The following RNF216 variants were observed in gnomAD, a reference collection of about 807,000 sequenced individuals.
The protein encoded by RNF216 is ring finger protein 216, also known as E3 ubiquitin-protein ligase RNF216.
A neutral mutation model predicts 110.8 loss-of-function variants in RNF216; 72 were observed. The observed-to-expected ratio is 0.65, with a 90% CI of 0.54 to 0.79. The LOEUF (loss-of-function observed/expected upper bound fraction) is 0.79. Among genes scored for constraint, RNF216 ranks in the 30% least tolerant of loss-of-function variants. The pLI, the probability that RNF216 is intolerant of heterozygous loss-of-function variation, is 0.00. For synonymous variants in RNF216, 495 were observed against 407.5 expected, an observed-to-expected ratio of 1.21 and a Z score of -2.59; for missense variants, 1,342 against 1,141.2, an observed-to-expected ratio of 1.18 and a Z score of -2.54.
At chr7:5,742,184 T>C (rs1794795517) in intron 3 of RNF216, among the ~76,000 whole-genome samples, 1 of 152,146 alleles carries the variant, frequency 6.6e-6, no homozygotes, top group Non-Finnish European at 1.5e-5. Context: ...GTAGCTGGGA[T>C]TACAAAAATG....
At chr7:5,652,191 G>A (rs1439070031) in intron 14 of RNF216, among the ~76,000 whole-genome samples, 3 of 152,150 alleles carry the variant, frequency 2.0e-5, no homozygotes, top group Non-Finnish European at 4.4e-5. Flanking sequence ...TGAATTCACA[G>A]GTGCCAGGCA....
Position 5,739,321 on chromosome 7 carries a change from A to C in RNF216, c.1076T>G (p.Phe359Cys). The part of the protein sequence containing the change: ...EARFPDVANG[F>C]IEEIIHFKNY... ...CTTAAAATGAATTATTTCCTCAATA[A>C]ACCCATTTGCTACATCTGGAAATCT... Residue 359 changes from phenylalanine (F) to cysteine (C), a missense_variant, in exon 5 of 17, where the codon TTT becomes TGT. Transcript: ENST00000389902. 6.2e-7 allele frequency: 1 copy of C among 1,600,364 alleles called. No individual in the cohort carries two copies. Among genetic ancestry groups the C allele is most frequent in the Admixed American group, 1.8e-5 (1 of 56,388 alleles).
Position 5,707,470 on chromosome 7 carries a change from C to T in RNF216, c.2061+4291G>A, listed in dbSNP as rs547685369. ...CAGGAACGCAACTGATTTTTATGTG[C>T]TAATTTTGTATCCTGCACCTTTACT... On this transcript the variant is annotated intron_variant, in intron 13 of 16. Coordinates refer to ENST00000389902, the MANE Select transcript of RNF216 (RefSeq NM_207111.4). Among the ~76,000 whole-genome samples the T allele has an allele frequency of 3.6e-4, 54 of 152,084 alleles. No homozygotes were observed. The South Asian group carries it at 0.011, about 30-fold the overall frequency.
intron 3 of RNF216, among the ~76,000 whole-genome samples, chr7:5,745,106 G>A (rs770522960): frequency 4.6e-5 from 7 of 152,016 alleles, no homozygotes; most frequent in South Asian, 2.1e-4. Context: ...TAAGATCTAC[G>A]GAGAAAACAC....
intron 5 of RNF216, among the ~76,000 whole-genome samples, chr7:5,732,741 G>A (rs28375369): frequency 0.025 from 3,843 of 152,264 alleles, 182 homozygotes; most frequent in African/African-American, 0.088. Context: ...TGCACCCTGG[G>A]GCAAAAGCAG....
intron 14 of RNF216, among the ~76,000 whole-genome samples, chr7:5,651,696 T>G (rs1788400412): frequency 1.3e-5 from 2 of 151,884 alleles, no homozygotes; most frequent in African/African-American, 4.8e-5. Context: ...GTTGGCAGGC[T>G]GGAGTGCACT....
intron 14 of RNF216, among the ~76,000 whole-genome samples, chr7:5,646,322 C>A (rs1378630447): frequency 6.7e-6 from 1 of 150,126 alleles, no homozygotes. Flanking sequence ...GAGCTGAGAT[C>A]GCATCATTGC....
At chr7:5,740,772 G>T (rs896108062) in intron 4 of RNF216, among the ~76,000 whole-genome samples, 1 of 152,090 alleles carries the variant, frequency 6.6e-6, no homozygotes. Flanking sequence ...AGAGCTTCCT[G>T]AAGGTTAAGT....
chr7:5,770,789 T>C (rs1416847828), intron 1 of RNF216, among the ~76,000 whole-genome samples: 2 of 151,722 alleles, frequency 1.3e-5, no homozygotes, highest in Non-Finnish European at 2.9e-5. Context: ...TGGAACAGAG[T>C]GCAGAACAGA....
At chr7:5,769,027 T>G (rs565191947) in intron 1 of RNF216, among the ~76,000 whole-genome samples, 2 of 151,842 alleles carry the variant, frequency 1.3e-5, no homozygotes, top group South Asian at 4.2e-4. Context: ...CTATTTTGAC[T>G]AAATAAACTG....
At position 5,622,895 on chromosome 7, in the gene RNF216, T is replaced by C. The variant is rs774371322; in HGVS notation, c.2737A>G (p.Met913Val). ...IHMPLEHNLP[M>V]HFGPQPRHRF ...TGCCGCGGCTGGGGGCCAAAGTGCATGGGCAGGTTGTGCTCCAGGGGCATG... is the reference window on the plus strand; with the variant it reads ...TGCCGCGGCTGGGGGCCAAAGTGCACGGGCAGGTTGTGCTCCAGGGGCATG... The change falls in exon 17 of 17, where the codon ATG (methionine) becomes GTG (valine). Residue 913 changes from methionine to valine, a missense_variant. Coordinates refer to ENST00000389902, the MANE Select transcript of RNF216 (RefSeq NM_207111.4). The C allele has an allele frequency of 6.2e-6, 10 of 1,610,544 alleles. No individual in the cohort carries two copies. The highest frequency in any genetic ancestry group is 8.5e-6 in the Non-Finnish European group (10 of 1,177,790).
intron 13 of RNF216, among the ~76,000 whole-genome samples, chr7:5,661,920 T>C (rs1210809834): frequency 6.6e-6 from 1 of 152,260 alleles, no homozygotes; most frequent in African/African-American, 2.4e-5. Context: ...CACTTGCTCT[T>C]ACTCTAGTCC....
chr7:5,689,488 GA>G (rs1286979429), intron 13 of RNF216, among the ~76,000 whole-genome samples: 2 of 151,624 alleles, frequency 1.3e-5, no homozygotes, highest in African/African-American at 4.8e-5. Context: ...CCACTTTCTG[GA>G]GGCCATTTTC....
At chr7:5,766,802 G>A (rs1796232000) in intron 1 of RNF216, 1 of 152,180 alleles carries the variant, frequency 6.6e-6, no homozygotes, top group South Asian at 2.1e-4. Context: ...ACAAATGTCT[G>A]TGGCACAACT....
chr7:5,659,054 GACTTC>G (rs1304657773), intron 13 of RNF216, among the ~76,000 whole-genome samples: 1 of 152,162 alleles, frequency 6.6e-6, no homozygotes, highest in Non-Finnish European at 1.5e-5. Flanking sequence ...AGCCTAGAAA[GACTTC>G]TAGGCTTCTG....
chr7:5,668,254 G>A (rs1242599265), intron 13 of RNF216, among the ~76,000 whole-genome samples: 11 of 142,672 alleles, frequency 7.7e-5, no homozygotes, highest in Non-Finnish European at 1.2e-4. Context: ...ATGGAGTCTC[G>A]CTCCGTTGGC....
chr7:5,772,419 A>C (rs909737769), intron 1 of RNF216, among the ~76,000 whole-genome samples: 5 of 152,076 alleles, frequency 3.3e-5, no homozygotes, highest in African/African-American at 4.8e-5. Context: ...TATAAACACA[A>C]GATTTAAATG....
chr7:5,623,203 G>A (rs1489543620), intron 16 of RNF216, 24 bp from the exon 17 acceptor site: 2 of 1,526,508 alleles, frequency 1.3e-6, no homozygotes, highest in Non-Finnish European at 1.8e-6. Flanking sequence ...GGGGATTAGT[G>A]GAGAAAAACA....
chr7:5,672,080 G>C lies in RNF216; in HGVS notation c.2062-19570C>G, dbSNP rs183647724. Among the ~76,000 whole-genome samples, 18 of 152,352 alleles carry C rather than the reference G, an allele frequency of 1.2e-4. 1 individual carries two copies. In the East Asian group the frequency reaches 3.5e-3, roughly 29 times the overall value. On this transcript the variant is annotated intron_variant, in intron 13 of 16. Transcript: ENST00000389902. The stretch of plus-strand genomic sequence containing the variant: ...GATGACTATCAAGGAGTAGATGGCA[G>C]TGGATCAGAGAAGTTCCCGCCCCTT...
Sources: gnomAD v4.1 joint callset for allele counts (sites outside exome capture counted in the v4.1 genomes callset) on GRCh38, gnomAD v4.1.1 for gene constraint, MANE v1.5 for transcripts, NCBI Gene and HGNC (gene_info 2026-07-23, HGNC 2026-07-21) for gene names.